The following TNFSF4 variants were observed in gnomAD, a reference collection of about 807,000 sequenced individuals.
The protein encoded by TNFSF4 is TNF superfamily member 4.
In TNFSF4, 4 loss-of-function variants were observed where a neutral mutation model predicts 7.3. The ratio of observed to expected loss-of-function variants is 0.55; its 90% CI spans 0.27 to 1.25. The LOEUF (loss-of-function observed/expected upper bound fraction) is 1.25, where lower values mean the gene tolerates loss of function less well. Among genes scored for constraint, TNFSF4 ranks in the 50% most tolerant of loss-of-function variants. The probability of loss-of-function intolerance (pLI) is 0.12; values close to 1 mark genes in which losing one functional copy is unlikely to be tolerated. For synonymous variants in TNFSF4, 76 were observed against 83.7 expected (o/e 0.91, Z 0.50); for missense variants, 181 against 208.8 (o/e 0.87, Z 0.82).
chr1:173,390,406 T>A, the TNFSF4 span, among the ~76,000 whole-genome samples: 17 of 152,310 alleles, frequency 1.1e-4, no homozygotes, highest in South Asian at 6.2e-4. Flanking sequence ...CATTTTACCC[T>A]CAAGTTTTGG....
At chr1:173,293,069 A>G in the TNFSF4 span, among the ~76,000 whole-genome samples, 3 of 152,104 alleles carry the variant, frequency 2.0e-5, no homozygotes, top group African/African-American at 7.2e-5. Flanking sequence ...ATACTGCCCA[A>G]AGCAATTTAC....
the TNFSF4 span, among the ~76,000 whole-genome samples, chr1:173,415,487 T>A: frequency 5.9e-5 from 9 of 152,176 alleles, no homozygotes; most frequent in Non-Finnish European, 7.3e-5. Flanking sequence ...TCAGACTCAA[T>A]CGGAACCACC....
At chr1:173,241,144 A>G in the TNFSF4 span, among the ~76,000 whole-genome samples, 1 of 152,196 alleles carries the variant, frequency 6.6e-6, no homozygotes, top group Non-Finnish European at 1.5e-5. Context: ...TTTGTTGGGA[A>G]AGTGAAATAG....
the TNFSF4 span, among the ~76,000 whole-genome samples, chr1:173,414,330 CTCT>C: frequency 6.6e-6 from 1 of 152,114 alleles, no homozygotes; most frequent in South Asian, 2.1e-4. Context: ...TCTCTGGTAT[CTCT>C]TCCTCTTCTT....
chr1:173,204,731 T>TACCAAC (rs150371777), intron 1 of TNFSF4, among the ~76,000 whole-genome samples: 2,954 of 152,106 alleles, frequency 0.019, 97 homozygotes, highest in African/African-American at 0.067. Flanking sequence ...GCCTCATCAC[T>TACCAAC]ACCAACACCA....
At chr1:173,198,641 T>C (rs113460364) in intron 1 of TNFSF4, among the ~76,000 whole-genome samples, 26 of 152,086 alleles carry the variant, frequency 1.7e-4, no homozygotes, top group African/African-American at 6.0e-4. Context: ...AACAAAAAGA[T>C]TATTCCTGTA....
the TNFSF4 span, among the ~76,000 whole-genome samples, chr1:173,426,307 C>T: frequency 6.6e-6 from 1 of 152,126 alleles, no homozygotes; most frequent in Non-Finnish European, 1.5e-5. Context: ...AAAATTTTCT[C>T]CCTGTGCTTC....
At chr1:173,193,564 A>G (rs968949781) in intron 1 of TNFSF4, among the ~76,000 whole-genome samples, 6 of 152,210 alleles carry the variant, frequency 3.9e-5, no homozygotes, top group African/African-American at 1.4e-4. Flanking sequence ...CCACACAAGT[A>G]CTATTTTTCT....
chr1:173,276,523 G>A, the TNFSF4 span, among the ~76,000 whole-genome samples: 1 of 152,150 alleles, frequency 6.6e-6, no homozygotes, highest in Non-Finnish European at 1.5e-5. Flanking sequence ...GCAGCAGAGA[G>A]AATGAGTAGA....
the TNFSF4 span, among the ~76,000 whole-genome samples, chr1:173,337,210 G>A: frequency 6.6e-6 from 1 of 152,128 alleles, no homozygotes; most frequent in Non-Finnish European, 1.5e-5. Flanking sequence ...ATACTCCACA[G>A]ATAACTTCTC....
chr1:173,254,692 T>TG, the TNFSF4 span, among the ~76,000 whole-genome samples: 1 of 152,218 alleles, frequency 6.6e-6, no homozygotes, highest in African/African-American at 2.4e-5. Context: ...TCAAGGGTGA[T>TG]GGGGGTAAAC....
the TNFSF4 span, among the ~76,000 whole-genome samples, chr1:173,258,100 G>A: frequency 7.7e-4 from 117 of 152,006 alleles, 1 homozygote; most frequent in Admixed American, 7.6e-3. Context: ...GGGAACCAGG[G>A]ACAAAGACCA....
the TNFSF4 span, among the ~76,000 whole-genome samples, chr1:173,373,643 C>G: frequency 7.1e-4 from 108 of 152,280 alleles, no homozygotes; most frequent in Admixed American, 1.7e-3. Flanking sequence ...GCGAGGTGTG[C>G]CAAAGGAATA....
At chr1:173,218,410 T>C in the TNFSF4 span, among the ~76,000 whole-genome samples, 1 of 152,106 alleles carries the variant, frequency 6.6e-6, no homozygotes, top group Non-Finnish European at 1.5e-5. Context: ...GTACACCATT[T>C]CAAGGGCCAC....
chr1:173,266,617 A>G, the TNFSF4 span, among the ~76,000 whole-genome samples: 1 of 152,278 alleles, frequency 6.6e-6, no homozygotes, highest in South Asian at 2.1e-4. Context: ...CCTCCAGCAT[A>G]GCAATGTCTG....
the TNFSF4 span, among the ~76,000 whole-genome samples, chr1:173,405,035 A>G: frequency 1.3e-5 from 2 of 152,138 alleles, no homozygotes; most frequent in Admixed American, 1.3e-4. Context: ...ACATTCTAAC[A>G]TGCTATATAT....
chr1:173,234,177 G>A, the TNFSF4 span, among the ~76,000 whole-genome samples: 4 of 152,174 alleles, frequency 2.6e-5, no homozygotes, highest in African/African-American at 4.8e-5. Context: ...CATTTATGCA[G>A]CCAACAGGCA....
chr1:173,271,172 C>A, the TNFSF4 span, among the ~76,000 whole-genome samples: 2 of 152,048 alleles, frequency 1.3e-5, no homozygotes, highest in Non-Finnish European at 2.9e-5. Context: ...TTTATTTTGG[C>A]TTTTGTTGCC....
At chr1:173,426,543 G>C in the TNFSF4 span, among the ~76,000 whole-genome samples, 1 of 152,128 alleles carries the variant, frequency 6.6e-6, no homozygotes, top group Non-Finnish European at 1.5e-5. Flanking sequence ...TAAATACAGA[G>C]GTTATTCTGG....
Sources: allele counts gnomAD v4.1 joint callset (sites outside exome capture counted in the v4.1 genomes callset), GRCh38; gene constraint gnomAD v4.1.1; transcripts MANE v1.5; gene names NCBI Gene and HGNC (gene_info 2026-07-23, HGNC 2026-07-21).